The following SREBF2 variants were observed in gnomAD, a reference collection of about 807,000 sequenced individuals.
SREBF2 encodes the protein sterol regulatory element-binding protein 2.
In SREBF2, 55 loss-of-function variants were observed where a neutral mutation model predicts 113.1. The observed-to-expected ratio is 0.49, with a 90% CI of 0.39 to 0.61. The LOEUF (loss-of-function observed/expected upper bound fraction) is 0.61. SREBF2 is among the 20% of genes least tolerant of loss of function. The pLI, the probability that SREBF2 is intolerant of heterozygous loss-of-function variation, is 0.00. For synonymous variants in SREBF2, 593 were observed against 605.7 expected, an observed-to-expected ratio of 0.98 and a Z score of 0.31; for missense variants, 1,349 against 1,487.4, an observed-to-expected ratio of 0.91 and a Z score of 1.53.
At chr22:41,878,904 T>C in intron 9 of SREBF2, 1 of 419,448 alleles carries the variant, frequency 2.4e-6, no homozygotes, top group Non-Finnish European at 4.4e-6. Flanking sequence ...TCCTTGAGTA[T>C]AACATCCCAA....
chr22:41,879,377 G>A (rs1602320988), intron 9 of SREBF2, among the ~76,000 whole-genome samples: 1 of 152,252 alleles, frequency 6.6e-6, no homozygotes, highest in Non-Finnish European at 1.5e-5. Flanking sequence ...TGTAGAGTGA[G>A]CAGTGATTGA....
rs1001773552 is a variant in SREBF2, at chr22:41,868,605, C to T, written c.539-6C>T. ...CTCTGTGCCTTCTTTCTCCTCTTCTCCCAAGTCCTTCAGCCTCAAGTCCAA... is the reference window on the plus strand; with the variant it reads ...CTCTGTGCCTTCTTTCTCCTCTTCTTCCAAGTCCTTCAGCCTCAAGTCCAA... On this transcript the variant is annotated splice_polypyrimidine_tract_variant and splice_region_variant and intron_variant, in intron 2 of 18. Coordinates refer to ENST00000361204, the MANE Select transcript of SREBF2 (RefSeq NM_004599.4). The T allele has an allele frequency of 1.2e-6, 2 of 1,614,192 alleles. No homozygotes were observed. The highest frequency in any genetic ancestry group is 4.5e-5 in the East Asian group (2 of 44,892).
chr22:41,852,443 C>T (rs563694204), intron 1 of SREBF2, among the ~76,000 whole-genome samples: 65 of 152,214 alleles, frequency 4.3e-4, no homozygotes, highest in African/African-American at 1.4e-3. Flanking sequence ...CCTTGCAAAA[C>T]GGGCCTTGGT....
In SREBF2 at chr22:41,894,904, A is replaced by G; in HGVS notation, c.2462A>G (p.Lys821Arg). 1 of 1,614,080 alleles carries G rather than the reference A, an allele frequency of 6.2e-7. No individual in the cohort carries two copies. The highest frequency in any genetic ancestry group is 8.5e-7 in the Non-Finnish European group (1 of 1,180,034). ...AIESLVKPQAKKKAGDQEEES... is the reference protein window; with the variant it reads ...AIESLVKPQARKKAGDQEEES... ...GAGTCCTTGGTGAAACCTCAGGCCA[A>G]GAAGAAGGCTGGAGACCAGGAAGAA... is the stretch of plus-strand genomic sequence containing the variant. The change falls in exon 13 of 19, where the codon AAG becomes AGG. Residue 821 changes from lysine (K) to arginine (R), a missense_variant. By Grantham distance (26) the Lys-to-Arg change is conservative. Coordinates refer to ENST00000361204, the MANE Select transcript of SREBF2 (RefSeq NM_004599.4).
chr22:41,836,068 C>T (rs2076771762), intron 1 of SREBF2, among the ~76,000 whole-genome samples: 1 of 152,210 alleles, frequency 6.6e-6, no homozygotes, highest in South Asian at 2.1e-4. Flanking sequence ...AGGTTTGATC[C>T]CAGTGGAAGA....
In SREBF2 at chr22:41,833,737, G is replaced by A. The variant is rs2076740666; in HGVS notation, c.88+379G>A. ...GTCCGCTCTCCCGCCGCCCGCGACCGCGCGTCGCACCTGTCACTCCCTTCC... is the reference window on the plus strand; with the variant it reads ...GTCCGCTCTCCCGCCGCCCGCGACCACGCGTCGCACCTGTCACTCCCTTCC... On this transcript the variant is annotated intron_variant, in intron 1 of 18. Transcript: ENST00000361204. This position sits in a 1 kb window ranked among gnomAD's most constrained non-coding sequence, Gnocchi z 4.1. 1.1e-5 allele frequency: 2 copies of A among 178,924 alleles called. No homozygotes were observed. Among genetic ancestry groups the A allele is most frequent in the Non-Finnish European group, 2.3e-5 (2 of 85,664 alleles). The allele number at this position is 178,924 out of a possible 1,614,324, so 11.1% of individuals were successfully genotyped here. A position where few individuals can be genotyped will look rare whatever the true frequency, so the allele number is the denominator to read the frequency against.
chr22:41,894,394 A>G (rs2077392074), intron 12 of SREBF2, among the ~76,000 whole-genome samples: 1 of 152,262 alleles, frequency 6.6e-6, no homozygotes, highest in South Asian at 2.1e-4. Flanking sequence ...GAAAAACCGG[A>G]GCATGTTCTT....
intron 10 of SREBF2, among the ~76,000 whole-genome samples, chr22:41,882,844 C>G (rs1006280991): frequency 1.3e-5 from 2 of 152,174 alleles, no homozygotes; most frequent in Non-Finnish European, 2.9e-5. Context: ...CAGTTCACAT[C>G]TGTAATCTCA....
intron 10 of SREBF2, among the ~76,000 whole-genome samples, chr22:41,884,035 G>A (rs946617769): frequency 2.7e-5 from 4 of 146,524 alleles, no homozygotes; most frequent in African/African-American, 1.0e-4. Flanking sequence ...AGCCTTCCTG[G>A]CCTCCCACCC....
At chr22:41,843,251 C>G (rs1444782332) in intron 1 of SREBF2, among the ~76,000 whole-genome samples, 1 of 152,232 alleles carries the variant, frequency 6.6e-6, no homozygotes, top group East Asian at 1.9e-4. Flanking sequence ...TTGACTGTTT[C>G]CGTAGTCACC....
At chr22:41,842,049 C>G (rs2076835086) in intron 1 of SREBF2, among the ~76,000 whole-genome samples, 2 of 152,224 alleles carry the variant, frequency 1.3e-5, no homozygotes, top group South Asian at 4.1e-4. Flanking sequence ...ACACTATCAG[C>G]TGTAGCCCTT....
chr22:41,872,328 A>G (rs1001852707), intron 4 of SREBF2, among the ~76,000 whole-genome samples: 2 of 151,724 alleles, frequency 1.3e-5, no homozygotes, highest in Non-Finnish European at 2.9e-5. Flanking sequence ...GTTTAAAAAG[A>G]GGCAAAATGA....
chr22:41,835,467 C>T (rs1419489484), intron 1 of SREBF2, among the ~76,000 whole-genome samples: 2 of 151,846 alleles, frequency 1.3e-5, no homozygotes, highest in South Asian at 2.1e-4. Flanking sequence ...TGCGCCACCA[C>T]GCCCGGCTAA....
At chr22:41,866,367 TG>T (rs1372042195) in intron 1 of SREBF2, among the ~76,000 whole-genome samples, 2 of 152,106 alleles carry the variant, frequency 1.3e-5, no homozygotes, top group Non-Finnish European at 1.5e-5. Flanking sequence ...CCTATCAATA[TG>T]GTGAAACCCT....
intron 1 of SREBF2, among the ~76,000 whole-genome samples, chr22:41,840,051 C>T (rs1262313160): frequency 6.6e-6 from 1 of 150,524 alleles, no homozygotes; most frequent in South Asian, 2.1e-4. Flanking sequence ...CCTCTGCCTC[C>T]TGGGTTCAGG....
chr22:41,853,787 G>A (rs1257364203), intron 1 of SREBF2, among the ~76,000 whole-genome samples: 3 of 152,130 alleles, frequency 2.0e-5, no homozygotes, highest in African/African-American at 2.4e-5. Flanking sequence ...TGTAATCCCA[G>A]CACTTTGGGA....
chr22:41,849,897 G>T (rs1479676726), intron 1 of SREBF2, among the ~76,000 whole-genome samples: 2 of 151,716 alleles, frequency 1.3e-5, no homozygotes, highest in African/African-American at 4.8e-5. Context: ...CCAGCACTTT[G>T]GGAGGCGGAG....
At chr22:41,876,731 A>T (rs180671135) in intron 7 of SREBF2, among the ~76,000 whole-genome samples, 4 of 152,362 alleles carry the variant, frequency 2.6e-5, no homozygotes, top group African/African-American at 9.6e-5. Context: ...TTAAAAGTAC[A>T]GTACCAAGAG....
intron 10 of SREBF2, among the ~76,000 whole-genome samples, chr22:41,882,274 T>G: frequency 1.3e-5 from 2 of 151,692 alleles, no homozygotes. Context: ...TCCTTGGGAG[T>G]TTGGGTGAGC....
Sources: allele counts gnomAD v4.1 joint callset (sites outside exome capture counted in the v4.1 genomes callset), GRCh38; gene constraint gnomAD v4.1.1; non-coding constraint Gnocchi (gnomAD v3.1); transcripts MANE v1.5; gene names NCBI Gene and HGNC (gene_info 2026-07-23, HGNC 2026-07-21).